The following SPECC1 variants were observed in gnomAD, a reference collection of about 807,000 sequenced individuals.
SPECC1 encodes the protein cytospin-B.
SPECC1 carries 62 observed loss-of-function variants against 104.1 expected under a neutral mutation model. The observed-to-expected ratio is 0.60, with a 90% CI of 0.49 to 0.74. The LOEUF (loss-of-function observed/expected upper bound fraction) is 0.74, where lower values mean the gene tolerates loss of function less well. Ranked by LOEUF, SPECC1 falls within the 30% of genes least tolerant of loss-of-function variation. The pLI, the probability that SPECC1 is intolerant of heterozygous loss-of-function variation, is 0.00. For synonymous variants in SPECC1, 513 were observed against 501.6 expected (o/e 1.02, Z -0.30); for missense variants, 1,306 against 1,310.5 (o/e 1.00, Z 0.05).
rs1303082413 is a variant in SPECC1 at position 20,296,307 on chromosome 17, G to T, written c.2941-654G>T. ...TTTCCCCGTTGCTTGTTTTTGTCAGGTTTGTCAAAGATCAGATGGTTGTAG... is the reference window on the plus strand; with the variant it reads ...TTTCCCCGTTGCTTGTTTTTGTCAGTTTTGTCAAAGATCAGATGGTTGTAG... On this transcript the variant is annotated intron_variant, in intron 12 of 14. Transcript: ENST00000395527. Among the ~76,000 whole-genome samples the T allele has an allele frequency of 3.3e-5, 5 of 152,272 alleles. No individual in the cohort carries two copies. The East Asian group carries it at 7.7e-4, about 23-fold the overall frequency.
At chr17:20,200,320 G>A (rs543556892) in intron 3 of SPECC1, among the ~76,000 whole-genome samples, 1 of 152,306 alleles carries the variant, frequency 6.6e-6, no homozygotes, top group Admixed American at 6.5e-5. Context: ...ATGTACTCGT[G>A]ATTGACCACA....
At chr17:20,243,155 T>G (rs2039277091) in intron 7 of SPECC1, among the ~76,000 whole-genome samples, 1 of 152,226 alleles carries the variant, frequency 6.6e-6, no homozygotes, top group Admixed American at 6.5e-5. Flanking sequence ...ATGGTTTATT[T>G]GACTACATGT....
At chr17:20,117,397 C>G (rs1173775054) in intron 3 of SPECC1, among the ~76,000 whole-genome samples, 1 of 152,084 alleles carries the variant, frequency 6.6e-6, no homozygotes, top group Non-Finnish European at 1.5e-5. Flanking sequence ...AATGTACTTA[C>G]ATAAATATAA....
intron 13 of SPECC1, among the ~76,000 whole-genome samples, chr17:20,302,412 C>T (rs1024116238): frequency 3.9e-5 from 6 of 152,156 alleles, no homozygotes; most frequent in African/African-American, 7.2e-5. Context: ...TGAGGCCCTT[C>T]GGAGCTGCTG....
At chr17:20,021,814 G>A (rs186213585) in intron 1 of SPECC1, among the ~76,000 whole-genome samples, 2,384 of 147,742 alleles carry the variant, frequency 0.016, 58 homozygotes, top group African/African-American at 0.054. Context: ...GGGATTACAG[G>A]CGTGAGCCAC....
At chr17:20,183,077 C>T (rs1276985068) in intron 3 of SPECC1, among the ~76,000 whole-genome samples, 1 of 151,972 alleles carries the variant, frequency 6.6e-6, no homozygotes, top group Non-Finnish European at 1.5e-5. Context: ...AAAGAGGTGG[C>T]GGTAGAGGTC....
intron 1 of SPECC1, among the ~76,000 whole-genome samples, chr17:20,045,581 C>A (rs2045506700): frequency 6.6e-6 from 1 of 152,174 alleles, no homozygotes; most frequent in East Asian, 1.9e-4. Context: ...GTTTCTCTCT[C>A]ACATATGGTG....
At chr17:20,195,040 T>C (rs986106838) in intron 3 of SPECC1, among the ~76,000 whole-genome samples, 5 of 152,218 alleles carry the variant, frequency 3.3e-5, no homozygotes, top group Admixed American at 1.3e-4. Flanking sequence ...GTTTGAAATA[T>C]TACTTCCGTT....
chr17:20,188,943 G>A (rs1239967602), intron 3 of SPECC1, among the ~76,000 whole-genome samples: 2 of 152,122 alleles, frequency 1.3e-5, no homozygotes, highest in African/African-American at 2.4e-5. Context: ...TACAAATTCA[G>A]GTGAATTTAT....
rs150127654 is a variant in SPECC1, at chr17:20,185,603, G to A, written c.284-18730G>A. Among the ~76,000 whole-genome samples the A allele has an allele frequency of 2.6e-5, 4 of 152,076 alleles. No individual in the cohort carries two copies. In the East Asian group the frequency reaches 7.8e-4, roughly 30 times the overall value. On this transcript the variant is annotated intron_variant, in intron 3 of 14. Transcript: ENST00000395527. ...AATGATCAGAAAATAAAACGGTTGT[G>A]TTAAGTGATGAGGTTATGGGGAAAT...
chr17:20,136,802 T>C (rs1347270526), intron 3 of SPECC1, among the ~76,000 whole-genome samples: 3 of 152,218 alleles, frequency 2.0e-5, no homozygotes, highest in Admixed American at 6.5e-5. Flanking sequence ...CCCATCTCTC[T>C]GGCACTTGTT....
At chr17:20,021,571 A>G (rs554815441) in intron 1 of SPECC1, among the ~76,000 whole-genome samples, 3 of 151,504 alleles carry the variant, frequency 2.0e-5, no homozygotes, top group Admixed American at 6.6e-5. Context: ...GTGTGCCTAT[A>G]CTTAATATAA....
At chr17:20,040,912 A>T (rs1341215029) in intron 1 of SPECC1, among the ~76,000 whole-genome samples, 1 of 152,086 alleles carries the variant, frequency 6.6e-6, no homozygotes. Context: ...CAGCTGTGCC[A>T]TCTTTGTCTC....
At chr17:20,225,098 C>T (rs1241308662) in intron 4 of SPECC1, among the ~76,000 whole-genome samples, 1 of 151,970 alleles carries the variant, frequency 6.6e-6, no homozygotes, top group East Asian at 1.9e-4. Context: ...GAGCTAGGAC[C>T]CGGAATGGGG....
Position 20,176,447 on chromosome 17 carries a change from C to T in SPECC1, c.284-27886C>T, listed in dbSNP as rs559047135. 2.0e-5 allele frequency among the ~76,000 whole-genome samples: 3 copies of T among 152,282 alleles called. No individual in the cohort carries two copies. In the South Asian group the frequency reaches 6.2e-4, roughly 32 times the overall value. On this transcript the variant is annotated intron_variant, in intron 3 of 14. Coordinates refer to ENST00000395527, the MANE Select transcript of SPECC1 (RefSeq NM_001243439.2). ...TCTCCCACTACCCTTCTTGCCTTCT[C>T]TAAGGTATTATTTATGTAGTCAGGG... is the stretch of plus-strand genomic sequence containing the variant.
At chr17:20,089,403 G>A (rs1488404398) in intron 1 of SPECC1, among the ~76,000 whole-genome samples, 1 of 152,048 alleles carries the variant, frequency 6.6e-6, no homozygotes, top group Non-Finnish European at 1.5e-5. Context: ...GACGCGGGAG[G>A]ATCACTTGAG....
chr17:20,227,346 T>C, intron 4 of SPECC1, 67 bp from the exon 5 acceptor site: 1 of 1,393,518 alleles, frequency 7.2e-7, no homozygotes, highest in Non-Finnish European at 1.0e-6. Flanking sequence ...CTTGGCCTTC[T>C]AGTGTACAGA....
At chr17:20,305,929 A>G in intron 13 of SPECC1, 94 bp from the exon 14 acceptor site, 1 of 1,105,158 alleles carries the variant, frequency 9.0e-7, no homozygotes, top group Non-Finnish European at 1.3e-6. Context: ...ATAATAGTGA[A>G]TAATCTATAT....
chr17:20,162,438 G>A (rs897040011), intron 3 of SPECC1, among the ~76,000 whole-genome samples: 2 of 152,110 alleles, frequency 1.3e-5, no homozygotes, highest in African/African-American at 2.4e-5. Context: ...GAGCCACCGC[G>A]CCCGGCCCAG....
Sources: allele counts gnomAD v4.1 joint callset (sites outside exome capture counted in the v4.1 genomes callset), GRCh38; gene constraint gnomAD v4.1.1; transcripts MANE v1.5; gene names NCBI Gene and HGNC (gene_info 2026-07-23, HGNC 2026-07-21).